EVL: variants seen among roughly 807,000 people sequenced by gnomAD.
EVL encodes Enah/Vasp-like.
Under a neutral mutation model 59.6 loss-of-function variants are expected in EVL, and 21 were observed. That is an observed-to-expected ratio of 0.35 (90% CI 0.25 to 0.51). The LOEUF is 0.51. Ranked by LOEUF, EVL falls within the 20% of genes least tolerant of loss-of-function variation. The pLI is 0.97. For missense variants in EVL, 462 were observed against 546.6 expected (o/e 0.85, Z 1.54); for synonymous variants, 198 against 203.5 (o/e 0.97, Z 0.23).
At chr14:100,052,532 G>C (rs1204346486) in intron 1 of EVL, among the ~76,000 whole-genome samples, 1 of 152,094 alleles carries the variant, frequency 6.6e-6, no homozygotes, top group Non-Finnish European at 1.5e-5. Flanking sequence ...CAGGAGGATT[G>C]CTTGAGCCCA....
Position 100,108,815 on chromosome 14 carries a change from T to C in EVL, c.358+11157T>C, listed in dbSNP as rs911291017. Among the ~76,000 whole-genome samples the C allele has an allele frequency of 3.9e-5, 6 of 152,258 alleles. No individual in the cohort carries two copies. Among genetic ancestry groups the C allele is most frequent in the African/African-American group, 1.4e-4 (6 of 41,472 alleles). On this transcript the variant is annotated intron_variant, in intron 3 of 13. Coordinates refer to ENST00000392920, the MANE Select transcript of EVL (RefSeq NM_016337.3). This position sits in a 1 kb window ranked among gnomAD's most constrained non-coding sequence, Gnocchi z 4.1. Reference sequence around the variant, plus strand: ...TCCCACGGGGCTTTATTTTTGCCTCTGTCCTAACAGTCAGCTGCCACTTGG... The same window carrying C: ...TCCCACGGGGCTTTATTTTTGCCTCCGTCCTAACAGTCAGCTGCCACTTGG...
upstream of EVL, among the ~76,000 whole-genome samples, chr14:100,060,924 A>G (rs1485795023): frequency 6.6e-6 from 1 of 151,134 alleles, no homozygotes; most frequent in African/African-American, 2.4e-5. Flanking sequence ...CTCAGAAACC[A>G]TGGAGGCCAG....
At chr14:100,050,451 G>A (rs2061629447) in intron 1 of EVL, among the ~76,000 whole-genome samples, 1 of 151,040 alleles carries the variant, frequency 6.6e-6, no homozygotes, top group African/African-American at 2.4e-5. Context: ...CTGGGTTCAC[G>A]CCATTCTCCT....
At chr14:100,089,731 G>A (rs1273003695) in intron 2 of EVL, among the ~76,000 whole-genome samples, 1 of 152,150 alleles carries the variant, frequency 6.6e-6, no homozygotes, top group Non-Finnish European at 1.5e-5. Context: ...AGACCATCCT[G>A]GTCAATATAG....
At chr14:100,072,420 A>C (rs959640291) in intron 1 of EVL, among the ~76,000 whole-genome samples, 1 of 152,116 alleles carries the variant, frequency 6.6e-6, no homozygotes, top group African/African-American at 2.4e-5. Context: ...TTTTTAGTAG[A>C]GATGGGGTTT....
chr14:100,097,332 G>A (rs941895), intron 2 of EVL, 149 bp from the exon 3 acceptor site: 613,711 of 663,026 alleles, frequency 0.93, 284,490 homozygotes, highest in East Asian at 1. Context: ...TGGTCTGAAA[G>A]TCTACCTGAT....
At chr14:100,102,149 T>C (rs1886262027) in intron 3 of EVL, among the ~76,000 whole-genome samples, 1 of 152,256 alleles carries the variant, frequency 6.6e-6, no homozygotes, top group Non-Finnish European at 1.5e-5. Context: ...ACTTGCATTT[T>C]TCCTTACTGG....
At chr14:100,068,173 A>G (rs1192155440) in intron 1 of EVL, among the ~76,000 whole-genome samples, 1 of 152,152 alleles carries the variant, frequency 6.6e-6, no homozygotes, top group Non-Finnish European at 1.5e-5. Context: ...ACATGTGGGG[A>G]CATGAGGCAG....
At chr14:99,982,990 T>C (rs1199274593) in intron 1 of EVL, among the ~76,000 whole-genome samples, 1 of 152,192 alleles carries the variant, frequency 6.6e-6, no homozygotes, top group African/African-American at 2.4e-5. Context: ...TGAGAATACA[T>C]GAGAAGTTCT....
At chr14:100,046,300 A>G (rs930121850) in intron 1 of EVL, among the ~76,000 whole-genome samples, 4 of 152,208 alleles carry the variant, frequency 2.6e-5, no homozygotes, top group African/African-American at 4.8e-5. Context: ...TACAATGAGT[A>G]TATATGAGGC....
At chr14:100,105,092 G>C (rs1886480607) in intron 3 of EVL, among the ~76,000 whole-genome samples, 1 of 151,948 alleles carries the variant, frequency 6.6e-6, no homozygotes, top group Non-Finnish European at 1.5e-5. Context: ...CTGTTGGGCA[G>C]CTGCAGCCAG....
At position 100,137,792 on chromosome 14, in the gene EVL, C is replaced by A; in HGVS notation, c.1084C>A (p.Pro362Thr). 1 of 1,614,138 alleles carries A rather than the reference C, an allele frequency of 6.2e-7. No homozygotes were observed. The highest frequency in any genetic ancestry group is 8.5e-7 in the Non-Finnish European group (1 of 1,180,034). Residue 362 changes from proline to threonine, a missense_variant, in exon 11 of 14, where the codon CCT becomes ACT. Transcript: ENST00000392920. The part of the protein sequence containing the change: ...PEAKSPLQSQ[P>T]HSRMKPAGSV... Reference sequence around the variant, plus strand: ...AGCTAAGAGCCCCCTTCAGTCGCAGCCTCACTCTAGGTACCGAACAACCCT... The same window carrying A: ...AGCTAAGAGCCCCCTTCAGTCGCAGACTCACTCTAGGTACCGAACAACCCT...
At position 100,035,874 on chromosome 14, in the gene EVL, C is replaced by T. The variant is rs1166342094; in HGVS notation, c.6-48813C>T. ...ATGTGGGTCTAATCCCCCACCTCAC[C>T]TAGGGGGCAGCACATGACCCAGACC... On this transcript the variant is annotated intron_variant, in intron 1 of 13. Transcript: ENST00000402714. Among the ~76,000 whole-genome samples, 4 of 152,156 alleles carry T rather than the reference C, an allele frequency of 2.6e-5. No individual in the cohort carries two copies. In the South Asian group the frequency reaches 6.2e-4, roughly 24 times the overall value.
intron 1 of EVL, among the ~76,000 whole-genome samples, chr14:100,078,592 T>C (rs371344391): frequency 1.0e-4 from 15 of 149,678 alleles, no homozygotes; most frequent in African/African-American, 3.7e-4. Flanking sequence ...TGGGGCAGGG[T>C]AAGGAAATGG....
intron 4 of EVL, among the ~76,000 whole-genome samples, chr14:100,124,370 G>A (rs750178767): frequency 2.0e-4 from 31 of 152,172 alleles, no homozygotes; most frequent in Non-Finnish European, 4.0e-4. Context: ...AATGGCATAC[G>A]GACTTCTCCC....
At chr14:100,028,244 C>G (rs1340098316) in intron 1 of EVL, among the ~76,000 whole-genome samples, 3 of 150,486 alleles carry the variant, frequency 2.0e-5, no homozygotes, top group African/African-American at 7.3e-5. Context: ...TTCTCCACAT[C>G]CTTGCCAGAG....
chr14:100,051,857 C>G (rs1444566120), intron 1 of EVL, among the ~76,000 whole-genome samples: 1 of 152,190 alleles, frequency 6.6e-6, no homozygotes. Flanking sequence ...TGCTGCTGCT[C>G]CTTTCTCCCA....
chr14:99,973,526 G>T (rs905699972), intron 1 of EVL, among the ~76,000 whole-genome samples: 1 of 152,184 alleles, frequency 6.6e-6, no homozygotes, highest in Non-Finnish European at 1.5e-5. Flanking sequence ...GCAGTGGTGC[G>T]ATCTCGGCTC....
At chr14:99,976,057 CAG>C (rs1331726949) in intron 1 of EVL, among the ~76,000 whole-genome samples, 3 of 151,766 alleles carry the variant, frequency 2.0e-5, no homozygotes, top group South Asian at 2.1e-4. Context: ...TATTATTTTT[CAG>C]AGTCTCATTC....
Sources: allele counts gnomAD v4.1 joint callset (sites outside exome capture counted in the v4.1 genomes callset), GRCh38; gene constraint gnomAD v4.1.1; non-coding constraint Gnocchi (gnomAD v3.1); transcripts MANE v1.5; gene names NCBI Gene and HGNC (gene_info 2026-07-23, HGNC 2026-07-21).